Variants in KY observed in about 807,000 individuals in gnomAD.
KY encodes kyphoscoliosis peptidase.
In KY, 43 loss-of-function variants were observed where a neutral mutation model predicts 76.1. That is an observed-to-expected ratio of 0.57 (90% CI 0.44 to 0.73). The LOEUF is 0.73. Ranked by LOEUF, KY falls within the 30% of genes least tolerant of loss-of-function variation. The pLI is 0.00. For synonymous variants in KY, 277 were observed against 326.2 expected, an observed-to-expected ratio of 0.85 and a Z score of 1.63; for missense variants, 722 against 828.9, an observed-to-expected ratio of 0.87 and a Z score of 1.58.
At chr3:134,629,820 C>T (rs897754123) in intron 3 of KY, 125 bp from the exon 4 acceptor site, 19 of 645,308 alleles carry the variant, frequency 2.9e-5, no homozygotes, top group Non-Finnish European at 4.9e-5. Flanking sequence ...TACAAATCAT[C>T]CTTGTTTTTT....
intron 8 of KY, among the ~76,000 whole-genome samples, chr3:134,617,425 C>T (rs912584019): frequency 3.3e-5 from 5 of 151,936 alleles, no homozygotes; most frequent in East Asian, 1.9e-4. Context: ...GATGGGTATT[C>T]GCAGGGGAGG....
At chr3:134,642,359 C>T (rs1965868907) in intron 3 of KY, among the ~76,000 whole-genome samples, 1 of 152,184 alleles carries the variant, frequency 6.6e-6, no homozygotes, top group Admixed American at 6.5e-5. Flanking sequence ...ACTCTCAGAG[C>T]AAGCGTGATG....
At chr3:134,617,095 C>T (rs558290150) in intron 8 of KY, among the ~76,000 whole-genome samples, 7 of 152,236 alleles carry the variant, frequency 4.6e-5, no homozygotes, top group East Asian at 1.9e-4. Context: ...ATCAAGGAGG[C>T]GATACCACTC....
In KY at chr3:134,650,807, G is replaced by A. The variant is rs763126724; in HGVS notation, c.136+18C>T. 121 of 1,557,276 alleles carry A rather than the reference G, an allele frequency of 7.8e-5. No individual in the cohort carries two copies. Among genetic ancestry groups the A allele is most frequent in the Non-Finnish European group, 1.0e-4 (118 of 1,151,236 alleles). On this transcript the variant is annotated intron_variant, in intron 1 of 10. Coordinates refer to ENST00000423778, the MANE Select transcript of KY (RefSeq NM_178554.6). Reference sequence around the variant, plus strand: ...AAGGTGCCGGGGGACCCGGGGACCCGGGTCGGGCGCGCGTTACCTCCTCCG... The same window carrying A: ...AAGGTGCCGGGGGACCCGGGGACCCAGGTCGGGCGCGCGTTACCTCCTCCG...
chr3:134,645,944 C>T (rs936008070), intron 2 of KY, among the ~76,000 whole-genome samples: 5 of 152,208 alleles, frequency 3.3e-5, no homozygotes, highest in Admixed American at 2.0e-4. Context: ...GTATTTCAAT[C>T]CTCTCCTGAT....
At chr3:134,615,621 A>T (rs1271465501) in intron 8 of KY, among the ~76,000 whole-genome samples, 1 of 150,704 alleles carries the variant, frequency 6.6e-6, no homozygotes, top group Non-Finnish European at 1.5e-5. Context: ...TGCACCAGTG[A>T]CATAACTCAT....
At chr3:134,637,108 G>T (rs1241322117) in intron 3 of KY, among the ~76,000 whole-genome samples, 1 of 152,216 alleles carries the variant, frequency 6.6e-6, no homozygotes, top group Non-Finnish European at 1.5e-5. Flanking sequence ...CCTCTGCAAA[G>T]CATAGCTTTG....
chr3:134,619,222 G>T lies in KY; in HGVS notation c.636C>A (p.Phe212Leu). ...GGGTCCGCAGGATGTCAGTGGGTTT[G>T]AAGGCTTGGCGGTCCTTCTCCTGAG... ...AAAQEKDRQA[F>L]KPTDILRTQK... The change falls in exon 8 of 11, where the codon TTC becomes TTA. Residue 212 changes from phenylalanine (F) to leucine (L), a missense_variant. Phe to Leu is a conservative substitution (Grantham distance 22, BLOSUM62 0). This residue lies in a region of KY where 552 missense variants were observed against 680.9 expected (regional missense o/e 0.81). Coordinates refer to ENST00000423778, the MANE Select transcript of KY (RefSeq NM_178554.6). The T allele has an allele frequency of 6.2e-7, 1 of 1,614,012 alleles. No individual in the cohort carries two copies. Among genetic ancestry groups the T allele is most frequent in the Non-Finnish European group, 8.5e-7 (1 of 1,179,888 alleles).
At chr3:134,631,144 A>G (rs1174012182) in intron 3 of KY, among the ~76,000 whole-genome samples, 1 of 152,208 alleles carries the variant, frequency 6.6e-6, no homozygotes, top group African/African-American at 2.4e-5. Flanking sequence ...AGGCAAAGAG[A>G]AATAATATGA....
At chr3:134,611,345 G>A (rs1399775868) in intron 8 of KY, among the ~76,000 whole-genome samples, 1 of 152,156 alleles carries the variant, frequency 6.6e-6, no homozygotes, top group Non-Finnish European at 1.5e-5. Flanking sequence ...TGGGCTGTGG[G>A]CACCAGTCCA....
chr3:134,626,023 T>G (rs1577700524), intron 5 of KY, among the ~76,000 whole-genome samples: 1 of 152,264 alleles, frequency 6.6e-6, no homozygotes, highest in South Asian at 2.1e-4. Flanking sequence ...GACCAACAGG[T>G]GCATGGACAG....
chr3:134,640,290 T>C (rs925875540), intron 3 of KY, among the ~76,000 whole-genome samples: 20 of 152,046 alleles, frequency 1.3e-4, no homozygotes, highest in Non-Finnish European at 1.0e-4. Context: ...AGAGACAGTA[T>C]GGGGGAGTAG....
At chr3:134,609,854 G>A (rs1577603572) in intron 9 of KY, among the ~76,000 whole-genome samples, 1 of 152,262 alleles carries the variant, frequency 6.6e-6, no homozygotes, top group African/African-American at 2.4e-5. Flanking sequence ...AATGGCCAAA[G>A]TCTGGAAGGG....
Position 134,627,788 on chromosome 3 carries a change from C to T in KY, c.368G>A (p.Arg123Lys). The T allele has an allele frequency of 3.1e-6, 5 of 1,613,908 alleles. No individual in the cohort carries two copies. The South Asian group carries it at 3.3e-5, about 11-fold the overall frequency. ...RLQGDKNGNT[R>K]PRQPGGKDAH... is the part of the protein sequence containing the mutation. ...ATCTTTCCCTCCAGGTTGCCGGGGT[C>T]TTGTGTTTCCATTTTTATCACCTTG... The change falls in exon 5 of 11, where the codon AGA becomes AAA. Residue 123 changes from arginine to lysine, a missense_variant. Coordinates refer to ENST00000423778, the MANE Select transcript of KY (RefSeq NM_178554.6).
chr3:134,631,876 T>G (rs1314769930), intron 3 of KY, among the ~76,000 whole-genome samples: 1 of 152,138 alleles, frequency 6.6e-6, no homozygotes, highest in Non-Finnish European at 1.5e-5. Flanking sequence ...ACACACTAAT[T>G]GAAAAATAGA....
At chr3:134,631,439 G>A (rs1964219729) in intron 3 of KY, among the ~76,000 whole-genome samples, 1 of 152,066 alleles carries the variant, frequency 6.6e-6, no homozygotes, top group Non-Finnish European at 1.5e-5. Context: ...CTTGGAAGAG[G>A]GAGAGAAATG....
chr3:134,616,044 G>A (rs914907220), intron 8 of KY, among the ~76,000 whole-genome samples: 8 of 152,234 alleles, frequency 5.3e-5, no homozygotes, highest in African/African-American at 1.9e-4. Context: ...AACGGGAAGA[G>A]AATTTACTGG....
chr3:134,642,517 G>T (rs1965891029), intron 3 of KY, among the ~76,000 whole-genome samples: 1 of 126,814 alleles, frequency 7.9e-6, no homozygotes, highest in Non-Finnish European at 1.7e-5. Flanking sequence ...CTTGTCGTGT[G>T]CTCAGATCCA....
At position 134,625,046 on chromosome 3, in the gene KY, G is replaced by C. The variant is rs1251746725; in HGVS notation, c.483+7C>G. The C allele has an allele frequency of 6.3e-7, 1 of 1,589,250 alleles. No individual in the cohort carries two copies. The highest frequency in any genetic ancestry group is 2.3e-5 in the East Asian group (1 of 43,926). ...GGGCCCATGGTCAGAGCGGCCAGCT[G>C]TCCTACCTGTGAGGCGTAGATATCC... is the stretch of plus-strand genomic sequence containing the variant. On this transcript the variant is annotated splice_region_variant and intron_variant, in intron 6 of 10. Coordinates refer to ENST00000423778, the MANE Select transcript of KY (RefSeq NM_178554.6).
Sources: gnomAD v4.1 joint callset for allele counts (sites outside exome capture counted in the v4.1 genomes callset) on GRCh38, gnomAD v4.1.1 for gene constraint, gnomAD v4.1.1 regional missense constraint, MANE v1.5 for transcripts, NCBI Gene and HGNC (gene_info 2026-07-23, HGNC 2026-07-21) for gene names.